The following EYA3 variants were observed in gnomAD, a reference collection of about 807,000 sequenced individuals.
EYA3 encodes the protein protein phosphatase EYA3.
EYA3 carries 39 observed loss-of-function variants against 80.0 expected under a neutral mutation model. The observed-to-expected ratio is 0.49, with a 90% CI of 0.38 to 0.64. The LOEUF is 0.64. Among genes scored for constraint, EYA3 ranks in the 30% least tolerant of loss-of-function variants. The probability of loss-of-function intolerance (pLI) is 0.00; values close to 1 mark genes in which losing one functional copy is unlikely to be tolerated. For missense variants in EYA3, 523 were observed against 676.1 expected, an observed-to-expected ratio of 0.77 and a Z score of 2.51; for synonymous variants, 206 against 232.8, an observed-to-expected ratio of 0.88 and a Z score of 1.05.
chr1:28,043,595 T>C (rs970359153), intron 3 of EYA3, among the ~76,000 whole-genome samples: 2 of 152,148 alleles, frequency 1.3e-5, no homozygotes, highest in Non-Finnish European at 2.9e-5. Flanking sequence ...CCCAGCACTT[T>C]GGGAAGCTGA....
chr1:27,995,404 A>C (rs1640374734), intron 13 of EYA3, among the ~76,000 whole-genome samples: 1 of 145,856 alleles, frequency 6.9e-6, no homozygotes. Context: ...TGCCAGAGCG[A>C]GACCCTATCT....
At chr1:28,063,411 C>T (rs1418480010) in intron 1 of EYA3, among the ~76,000 whole-genome samples, 1 of 136,224 alleles carries the variant, frequency 7.3e-6, no homozygotes, top group African/African-American at 2.8e-5. Context: ...GGCTGGAGCA[C>T]AGCGGCGTAA....
At chr1:28,077,690 T>TA (rs1439404793) in intron 1 of EYA3, among the ~76,000 whole-genome samples, 3 of 152,182 alleles carry the variant, frequency 2.0e-5, no homozygotes, top group Non-Finnish European at 4.4e-5. Context: ...AGAAATTTTT[T>TA]AAAAAATCTG....
Position 27,978,469 on chromosome 1 carries a change from C to T in EYA3, c.1546G>A (p.Glu516Lys). The T allele has an allele frequency of 1.2e-6, 2 of 1,613,658 alleles. No individual in the cohort carries two copies. Among genetic ancestry groups the T allele is most frequent in the African/African-American group, 1.3e-5 (1 of 75,020 alleles). The change falls in exon 17 of 18, where the codon GAG becomes AAG. Residue 516 changes from glutamate to lysine, a missense_variant. By Grantham distance (56) the Glu-to-Lys change is moderately conservative (BLOSUM62 1). Coordinates refer to ENST00000373871, the MANE Select transcript of EYA3 (RefSeq NM_001990.4). The part of the protein sequence containing the change: ...NIYSATKIGK[E>K]SCFERIVSRF... ...GACACAATTCTCTCAAAGCAGCTCT[C>T]CTTACCTGATGAGAAAAAGAAATTT...
chr1:28,021,043 C>G (rs995520782), intron 7 of EYA3, among the ~76,000 whole-genome samples: 4 of 152,168 alleles, frequency 2.6e-5, no homozygotes, highest in Non-Finnish European at 4.4e-5. Flanking sequence ...AGTGGCACAG[C>G]TGCACCAAGT....
At chr1:28,004,808 C>T (rs967690964) in intron 10 of EYA3, among the ~76,000 whole-genome samples, 1 of 151,752 alleles carries the variant, frequency 6.6e-6, no homozygotes, top group Non-Finnish European at 1.5e-5. Flanking sequence ...AAACATAAAG[C>T]TAGCAGTAGG....
chr1:28,016,099 CAT>C (rs1248708350), intron 8 of EYA3, among the ~76,000 whole-genome samples: 1 of 152,092 alleles, frequency 6.6e-6, no homozygotes, highest in Non-Finnish European at 1.5e-5. Flanking sequence ...AAGTAATTAA[CAT>C]GTGGAAAAAC....
intron 16 of EYA3, among the ~76,000 whole-genome samples, chr1:27,985,639 T>G (rs1639602927): frequency 6.6e-6 from 1 of 152,182 alleles, no homozygotes; most frequent in Non-Finnish European, 1.5e-5. Flanking sequence ...TGGAGTGCAG[T>G]GGCGCCATCT....
At chr1:27,985,730 T>G (rs1639611563) in intron 16 of EYA3, among the ~76,000 whole-genome samples, 1 of 152,088 alleles carries the variant, frequency 6.6e-6, no homozygotes. Flanking sequence ...TACAGGCGCC[T>G]GCCACCAAGC....
chr1:28,002,371 A>G (rs892250756), intron 11 of EYA3, among the ~76,000 whole-genome samples: 3 of 151,322 alleles, frequency 2.0e-5, no homozygotes, highest in Non-Finnish European at 4.4e-5. Flanking sequence ...TTTTATACAC[A>G]TTTTGGGATT....
At position 28,044,272 on chromosome 1, in the gene EYA3, A is replaced by G. The variant is rs183884492; in HGVS notation, c.78-1622T>C. Among the ~76,000 whole-genome samples, 129 of 152,326 alleles carry G rather than the reference A, an allele frequency of 8.5e-4. 2 individuals carry two copies. Among genetic ancestry groups the G allele is most frequent in the African/African-American group, 2.9e-3 (122 of 41,576 alleles). The stretch of plus-strand genomic sequence containing the variant: ...CAGAGGCTGCTCAAGTTCATATTCT[A>G]TTCTGCCAATAACTAGCCCTATGAC... On this transcript the variant is annotated intron_variant, in intron 3 of 17. Transcript: ENST00000373871.
chr1:28,085,988 C>T (rs1011270889), intron 1 of EYA3, among the ~76,000 whole-genome samples: 2 of 152,164 alleles, frequency 1.3e-5, no homozygotes, highest in African/African-American at 2.4e-5. Flanking sequence ...TCTCTAGTCA[C>T]TCTTTGAAGG....
At chr1:28,073,127 A>ATATATATATATATTTTTTTT in intron 1 of EYA3, among the ~76,000 whole-genome samples, 7 of 14,998 alleles carry the variant, frequency 4.7e-4, no homozygotes, top group Admixed American at 1.4e-3. Context: ...ATATATATAT[A>ATATATATATATATTTTTTTT]TTTTTTTTTT....
chr1:28,077,478 AAGG>A (rs1425214523), intron 1 of EYA3, among the ~76,000 whole-genome samples: 2 of 152,110 alleles, frequency 1.3e-5, no homozygotes, highest in East Asian at 1.9e-4. Flanking sequence ...AAGTATTAAG[AAGG>A]AGGAGGTTAA....
rs374689783 is a variant in EYA3 at position 28,009,639 on chromosome 1, A to AAACAACAAC, written c.909+1299_909+1307dup. On this transcript the variant is annotated intron_variant, in intron 10 of 17. Coordinates refer to ENST00000373871, the MANE Select transcript of EYA3 (RefSeq NM_001990.4). The surrounding 1 kb of genome is among the most constrained non-coding windows in gnomAD (Gnocchi z 4.8). ...CACTCCAGCCTGAGACTCCATCTCA[A>AAACAACAAC]AACAACAACAACAACAACAACAACA... Among the ~76,000 whole-genome samples the AAACAACAAC allele has an allele frequency of 0.027, 2,888 of 108,212 alleles. 52 individuals are homozygous for AAACAACAAC. The highest frequency in any genetic ancestry group is 0.069 in the Middle Eastern group (17 of 248). The allele number at this position is 108,212 out of a possible 152,430, so 71.0% of individuals were successfully genotyped here. A position where few individuals can be genotyped will look rare whatever the true frequency, so the allele number is the denominator to read the frequency against.
intron 1 of EYA3, among the ~76,000 whole-genome samples, chr1:28,064,531 GAAC>G (rs926353467): frequency 4.0e-5 from 6 of 151,796 alleles, no homozygotes; most frequent in African/African-American, 1.5e-4. Flanking sequence ...GGAGAAAGGA[GAAC>G]AACAGAGGCC....
intron 10 of EYA3, chr1:28,010,717 C>T (rs1199041258): frequency 6.3e-6 from 3 of 474,216 alleles, no homozygotes; most frequent in South Asian, 2.8e-5. Context: ...CTTGTAACTC[C>T]CTCTGCTTTC....
At chr1:28,020,122 A>G (rs1642331083) in intron 7 of EYA3, among the ~76,000 whole-genome samples, 1 of 152,222 alleles carries the variant, frequency 6.6e-6, no homozygotes, top group South Asian at 2.1e-4. Flanking sequence ...AAACCACTTA[A>G]TGAATTGTAC....
chr1:28,076,931 G>A (rs1253282441), intron 1 of EYA3, among the ~76,000 whole-genome samples: 2 of 149,610 alleles, frequency 1.3e-5, no homozygotes, highest in Admixed American at 6.7e-5. Context: ...TAATAGAGAC[G>A]GGGTTCTCCA....
Sources: allele counts gnomAD v4.1 joint callset (sites outside exome capture counted in the v4.1 genomes callset), GRCh38; gene constraint gnomAD v4.1.1; non-coding constraint Gnocchi (gnomAD v3.1); transcripts MANE v1.5; gene names NCBI Gene and HGNC (gene_info 2026-07-23, HGNC 2026-07-21).